The following GLRA2 variants were observed in gnomAD, a reference collection of about 807,000 sequenced individuals.
The protein encoded by GLRA2 is glycine receptor subunit alpha-2.
In GLRA2, 11 loss-of-function variants were observed where a neutral mutation model predicts 31.6. The ratio of observed to expected loss-of-function variants is 0.35; its 90% CI spans 0.22 to 0.58. GLRA2 has a LOEUF of 0.58. Among genes scored for constraint, GLRA2 ranks in the 20% least tolerant of loss-of-function variants. The pLI is 0.84. For synonymous variants in GLRA2, 132 were observed against 134.0 expected (o/e 0.99, Z 0.10); for missense variants, 212 against 351.8 (o/e 0.60, Z 3.18).
At chrX:14,514,849 T>A in the GLRA2 span, among the ~76,000 whole-genome samples, 1 of 111,039 alleles carries the variant, frequency 9.0e-6, no homozygotes, top group Non-Finnish European at 1.9e-5. Flanking sequence ...TTTAATCAGA[T>A]TAATCTGTGT....
intron 8 of GLRA2, among the ~76,000 whole-genome samples, chrX:14,693,553 A>G (rs944212878): frequency 8.9e-6 from 1 of 112,133 alleles, no homozygotes; most frequent in Non-Finnish European, 1.9e-5. Context: ...TCAGCAACTG[A>G]TAGAAAAAAA....
intron 7 of GLRA2, among the ~76,000 whole-genome samples, chrX:14,686,240 A>G (rs2091276514): frequency 9.0e-6 from 1 of 111,291 alleles, no homozygotes; most frequent in African/African-American, 3.3e-5. Context: ...AACTATGTGG[A>G]AGTAATTTTG....
intron 2 of GLRA2, among the ~76,000 whole-genome samples, chrX:14,566,395 ACT>A (rs1448707332): frequency 8.9e-6 from 1 of 112,129 alleles, no homozygotes; most frequent in Non-Finnish European, 1.9e-5. Flanking sequence ...GAATCTTCAA[ACT>A]CTTCTAAGAA....
At chrX:14,714,355 C>G (rs995470911) in intron 8 of GLRA2, among the ~76,000 whole-genome samples, 2 of 111,392 alleles carry the variant, frequency 1.8e-5, no homozygotes, top group African/African-American at 3.3e-5. Context: ...GCTAAACATC[C>G]TGAAATGCAA....
the GLRA2 span, among the ~76,000 whole-genome samples, chrX:14,493,417 C>G: frequency 9.3e-6 from 1 of 107,365 alleles, no homozygotes; most frequent in Non-Finnish European, 1.9e-5. Context: ...TCTAAAAAGG[C>G]TACATTCACA....
the GLRA2 span, among the ~76,000 whole-genome samples, chrX:14,504,742 TAATG>T: frequency 2.7e-5 from 3 of 112,346 alleles, no homozygotes; most frequent in African/African-American, 9.7e-5. Context: ...TGCTAACTAT[TAATG>T]AATGCAGTTT....
intron 7 of GLRA2, among the ~76,000 whole-genome samples, chrX:14,664,096 C>T (rs1015935064): frequency 4.8e-4 from 53 of 111,040 alleles, no homozygotes; most frequent in African/African-American, 1.6e-3. Context: ...ATTCTATTTT[C>T]CCCTAGTCCA....
chrX:14,576,200 C>G lies in GLRA2; in HGVS notation c.270+1800C>G, dbSNP rs915760005. 2.7e-5 allele frequency among the ~76,000 whole-genome samples: 3 copies of G among 110,898 alleles called. No individual in the cohort carries two copies. The South Asian group carries it at 1.2e-3, about 43-fold the overall frequency. On this transcript the variant is annotated intron_variant, in intron 3 of 8. Coordinates refer to ENST00000218075, the MANE Select transcript of GLRA2 (RefSeq NM_002063.4). Reference sequence around the variant, plus strand: ...TTAATTTACCTTTACCACTTTTTTTCCACTGGCAAAATTAGACATAATTCA... The same window carrying G: ...TTAATTTACCTTTACCACTTTTTTTGCACTGGCAAAATTAGACATAATTCA...
chrX:14,555,307 T>G (rs1432900954), intron 2 of GLRA2, among the ~76,000 whole-genome samples: 1 of 112,225 alleles, frequency 8.9e-6, no homozygotes, highest in Non-Finnish European at 1.9e-5. Flanking sequence ...GTTCTCCCAA[T>G]GAACTTGAGA....
the GLRA2 span, among the ~76,000 whole-genome samples, chrX:14,464,845 G>C: frequency 1.7e-3 from 187 of 111,556 alleles, 1 homozygote; most frequent in South Asian, 5.2e-3. Flanking sequence ...GTGAGCCACC[G>C]CGCCCAGCCT....
intron 7 of GLRA2, among the ~76,000 whole-genome samples, chrX:14,629,208 G>C (rs1442027121): frequency 9.0e-6 from 1 of 111,225 alleles, no homozygotes; most frequent in African/African-American, 3.3e-5. Context: ...GAAGGAATTG[G>C]GGCTTTGAGT....
chrX:14,650,828 G>C (rs1324504719), intron 7 of GLRA2, among the ~76,000 whole-genome samples: 1 of 111,588 alleles, frequency 9.0e-6, no homozygotes, highest in Admixed American at 9.5e-5. Flanking sequence ...GGCATCCCAA[G>C]CTTGAACTCT....
chrX:14,598,461 A>C (rs2090232866), intron 4 of GLRA2, among the ~76,000 whole-genome samples: 1 of 112,430 alleles, frequency 8.9e-6, no homozygotes, highest in African/African-American at 3.2e-5. Flanking sequence ...TTAAATGATT[A>C]ATTTACATTC....
the GLRA2 span, among the ~76,000 whole-genome samples, chrX:14,451,463 C>G: frequency 9.2e-6 from 1 of 109,229 alleles, no homozygotes; most frequent in African/African-American, 3.3e-5. Flanking sequence ...AAACCCATCT[C>G]TACTAAAATA....
At chrX:14,524,455 G>A, upstream of GLRA2, among the ~76,000 whole-genome samples, 1 of 111,991 alleles carries the variant, frequency 8.9e-6, no homozygotes, top group Non-Finnish European at 1.9e-5. Context: ...CTCTGGGAAA[G>A]CATCTCTAAC....
At position 14,572,510 on chromosome X, in the gene GLRA2, T is replaced by A. The variant is rs187299838; in HGVS notation, c.203-1823T>A. On this transcript the variant is annotated intron_variant, in intron 2 of 8. Transcript: ENST00000218075. ...TTCTCATTAGCAGAAAAATCTTTGT[T>A]ACAAAATAGAATTCTATAGCCAAGA... Among the ~76,000 whole-genome samples the A allele has an allele frequency of 6.2e-5, 7 of 112,085 alleles. 1 individual carries two copies. In the Admixed American group the frequency reaches 6.6e-4, roughly 11 times the overall value.
At chrX:14,660,283 G>A (rs983685405) in intron 7 of GLRA2, among the ~76,000 whole-genome samples, 2 of 111,407 alleles carry the variant, frequency 1.8e-5, no homozygotes, top group African/African-American at 6.5e-5. Flanking sequence ...GCACATAGAC[G>A]TCTGGGAAAG....
At chrX:14,613,214 G>T (rs2090419170) in intron 7 of GLRA2, among the ~76,000 whole-genome samples, 1 of 111,340 alleles carries the variant, frequency 9.0e-6, no homozygotes, top group South Asian at 3.8e-4. Flanking sequence ...TATTCTTACT[G>T]TTCCCTGTCC....
At chrX:14,581,451 C>G in intron 4 of GLRA2, 45 bp downstream of exon 4, 1 of 716,995 alleles carries the variant, frequency 1.4e-6, no homozygotes, top group Non-Finnish European at 2.2e-6. Context: ...CATTTCTCCA[C>G]TAATGTAGAG....
Sources: allele counts gnomAD v4.1 joint callset (sites outside exome capture counted in the v4.1 genomes callset), GRCh38; gene constraint gnomAD v4.1.1; transcripts MANE v1.5; gene names NCBI Gene and HGNC (gene_info 2026-07-23, HGNC 2026-07-21).